C6orf58: variants seen among roughly 807,000 people sequenced by gnomAD.
The protein encoded by C6orf58 is protein LEG1 homolog.
A neutral mutation model predicts 37.0 loss-of-function variants in C6orf58; 30 were observed. That is an observed-to-expected ratio of 0.81 (90% CI 0.61 to 1.10). C6orf58 has a LOEUF of 1.10. Among genes scored for constraint, C6orf58 ranks in the 50% least tolerant of loss-of-function variants. C6orf58 has a pLI of 0.00. For synonymous variants in C6orf58, 143 were observed against 134.1 expected (o/e 1.07, Z -0.46); for missense variants, 368 against 387.5 (o/e 0.95, Z 0.42).
intron 4 of C6orf58, among the ~76,000 whole-genome samples, chr6:127,586,901 A>G (rs1034715337): frequency 9.2e-5 from 14 of 152,218 alleles, no homozygotes; most frequent in African/African-American, 3.1e-4. Context: ...AAGGAGTGGC[A>G]GTTACCTACT....
intron 4 of C6orf58, among the ~76,000 whole-genome samples, chr6:127,584,483 T>C (rs1037521455): frequency 1.3e-5 from 2 of 152,164 alleles, no homozygotes; most frequent in South Asian, 2.1e-4. Flanking sequence ...ATATTTAACA[T>C]TGAATTTATA....
chr6:127,590,050 C>A, intron 4 of C6orf58, 37 bp from the exon 5 acceptor site: 1 of 1,424,654 alleles, frequency 7.0e-7, no homozygotes, highest in Non-Finnish European at 9.8e-7. Context: ...TCTGAGGTGA[C>A]TAATTATAAT....
At chr6:127,577,508 A>G (rs1258687759) in intron 1 of C6orf58, 22 bp downstream of exon 1, 3 of 1,604,440 alleles carry the variant, frequency 1.9e-6, no homozygotes. Flanking sequence ...TCTTGTTTTC[A>G]TTGTAATGAT....
intron 1 of C6orf58, 99 bp from the exon 2 acceptor site, chr6:127,578,587 C>T (rs1295386073): frequency 2.9e-6 from 2 of 701,192 alleles, no homozygotes; most frequent in Admixed American, 4.8e-5. Context: ...GAAATAAATG[C>T]TTTTGTATCT....
Position 127,577,473 on chromosome 6 carries a change from G to T in C6orf58, c.288G>T (p.Trp96Cys). The T allele has an allele frequency of 1.9e-6, 3 of 1,613,480 alleles. No homozygotes were observed. The highest frequency in any genetic ancestry group is 1.3e-5 in the African/African-American group (1 of 75,004). Residue 96 changes from tryptophan (W) to cysteine (C), a missense_variant, in exon 1 of 6, where the codon TGG becomes TGT. By Grantham distance (215) the Trp-to-Cys change is radical. Coordinates refer to ENST00000329722, the MANE Select transcript of C6orf58 (RefSeq NM_001010905.3). Reference sequence around the variant, plus strand: ...GGGGGTTGCCTCTGCAGTATGGCTGGCAATATAGGACAGGTAAGAATGACT... The same window carrying T: ...GGGGGTTGCCTCTGCAGTATGGCTGTCAATATAGGACAGGTAAGAATGACT... ...ILWGLPLQYG[W>C]QYRTGRLADP...
At position 127,580,439 on chromosome 6, in the gene C6orf58, C is replaced by T. The variant is rs1775037464; in HGVS notation, c.563C>T (p.Thr188Ile). Residue 188 changes from threonine to isoleucine, a missense_variant, in exon 3 of 6, where the codon ACC (threonine) becomes ATC (isoleucine). Transcript: ENST00000329722. ...SFPETMNKWN[T>I]FYQYLQSPFS... The stretch of plus-strand genomic sequence containing the variant: ...CCTGAGACAATGAACAAGTGGAACA[C>T]CTTTTACCAGGTTCCTTCTTTATAC... 6.2e-7 allele frequency: 1 copy of T among 1,610,906 alleles called. No homozygotes were observed. Among genetic ancestry groups the T allele is most frequent in the Admixed American group, 1.7e-5 (1 of 59,872 alleles).
chr6:127,583,648 C>T (rs892497265), intron 4 of C6orf58, among the ~76,000 whole-genome samples: 6 of 152,116 alleles, frequency 3.9e-5, no homozygotes, highest in African/African-American at 1.4e-4. Context: ...CAAAAAAGAG[C>T]TTGGTGTGGT....
intron 4 of C6orf58, among the ~76,000 whole-genome samples, chr6:127,587,910 G>A (rs1252974409): frequency 9.2e-5 from 14 of 152,210 alleles, no homozygotes; most frequent in Non-Finnish European, 1.5e-5. Context: ...CAAATTGACA[G>A]GGTTTAAAAC....
At chr6:127,591,169 A>G (rs979373309) in intron 5 of C6orf58, among the ~76,000 whole-genome samples, 1 of 151,888 alleles carries the variant, frequency 6.6e-6, no homozygotes, top group Non-Finnish European at 1.5e-5. Flanking sequence ...TTCTGTGAAA[A>G]TTTTTCTTGG....
intron 4 of C6orf58, among the ~76,000 whole-genome samples, chr6:127,588,539 ACT>A (rs1775128865): frequency 6.6e-6 from 1 of 152,014 alleles, no homozygotes; most frequent in Non-Finnish European, 1.5e-5. Context: ...CTCAAATAAA[ACT>A]CTGTGGCTCT....
At chr6:127,583,840 C>A (rs1775075968) in intron 4 of C6orf58, among the ~76,000 whole-genome samples, 1 of 152,118 alleles carries the variant, frequency 6.6e-6, no homozygotes, top group Non-Finnish European at 1.5e-5. Context: ...TGAGTCATAT[C>A]AGAGTTTAGA....
chr6:127,587,786 T>G (rs1475264217), intron 4 of C6orf58, among the ~76,000 whole-genome samples: 2 of 152,188 alleles, frequency 1.3e-5, no homozygotes, highest in Admixed American at 6.5e-5. Flanking sequence ...GAGGATTAAT[T>G]AAGAAATCCA....
chr6:127,582,488 G>A (rs550843322), intron 4 of C6orf58, among the ~76,000 whole-genome samples: 15 of 152,258 alleles, frequency 9.9e-5, no homozygotes, highest in South Asian at 2.1e-4. Context: ...GTTAGCTAGC[G>A]CACATATTCC....
intron 4 of C6orf58, among the ~76,000 whole-genome samples, chr6:127,588,569 G>C (rs1266383207): frequency 6.6e-6 from 1 of 152,150 alleles, no homozygotes; most frequent in South Asian, 2.1e-4. Flanking sequence ...CAGATTGGCT[G>C]ACTTATGTAT....
Position 127,581,359 on chromosome 6 carries a change from C to A in C6orf58, c.674+77C>A. The A allele has an allele frequency of 1.1e-5, 6 of 541,410 alleles. No individual in the cohort carries two copies. The South Asian group carries it at 2.3e-4, about 21-fold the overall frequency. 33.5% of individuals were successfully genotyped at this position (541,410 alleles called of 1,614,324 possible). A position where few individuals can be genotyped will look rare whatever the true frequency, so the allele number is the denominator to read the frequency against. ...GCATTATTTATATATTTTTCTTCTT[C>A]TTCTAGAGTGTTTTTCAATCTTTAT... On this transcript the variant is annotated intron_variant, in intron 4 of 5. Transcript: ENST00000329722.
intron 4 of C6orf58, among the ~76,000 whole-genome samples, chr6:127,584,760 G>A (rs1041314562): frequency 7.3e-5 from 11 of 149,886 alleles, no homozygotes; most frequent in Middle Eastern, 6.9e-3. Context: ...TGGGGACTGG[G>A]TGACAGAGTG....
chr6:127,580,407 A>G lies in C6orf58; in HGVS notation c.531A>G (p.Ser177=), dbSNP rs772220920. The change falls in exon 3 of 6, where the codon TCA becomes TCG. Residue 177 remains serine (S), a synonymous_variant. Transcript: ENST00000329722. ...GTTATGATGTTTCTAGCTGTCGTTC[A>G]TCCTTCCCTGAGACAATGAACAAGT... ...KFCYDVSSCR[S]SFPETMNKWN... 2 of 1,613,006 alleles carry G rather than the reference A, an allele frequency of 1.2e-6. No individual in the cohort carries two copies. Among genetic ancestry groups the G allele is most frequent in the Non-Finnish European group, 1.7e-6 (2 of 1,179,256 alleles).
intron 4 of C6orf58, among the ~76,000 whole-genome samples, chr6:127,583,781 T>A (rs1232739087): frequency 6.6e-6 from 1 of 152,228 alleles, no homozygotes; most frequent in East Asian, 1.9e-4. Context: ...GGGCTTCTTT[T>A]ATCTGGTGAA....
At chr6:127,583,630 T>C (rs1195489877) in intron 4 of C6orf58, among the ~76,000 whole-genome samples, 2 of 152,000 alleles carry the variant, frequency 1.3e-5, no homozygotes, top group Non-Finnish European at 2.9e-5. Flanking sequence ...ATCCCTGAAG[T>C]TGTGCTGCAA....
Sources: gnomAD v4.1 joint callset for allele counts (sites outside exome capture counted in the v4.1 genomes callset) on GRCh38, gnomAD v4.1.1 for gene constraint, MANE v1.5 for transcripts, NCBI Gene and HGNC (gene_info 2026-07-23, HGNC 2026-07-21) for gene names.